Variants in ADAMTSL1 observed in about 807,000 individuals in gnomAD.
The protein encoded by ADAMTSL1 is ADAMTS-like protein 1.
ADAMTSL1 carries 126 observed loss-of-function variants against 201.8 expected under a neutral mutation model. That is an observed-to-expected ratio of 0.62 (90% CI 0.54 to 0.72). The LOEUF (loss-of-function observed/expected upper bound fraction) is 0.72, where lower values mean the gene tolerates loss of function less well. Ranked by LOEUF, ADAMTSL1 falls within the 30% of genes least tolerant of loss-of-function variation. The pLI is 0.00. For missense variants in ADAMTSL1, 2,679 were observed against 2,277.8 expected (o/e 1.18, Z -3.59); for synonymous variants, 1,121 against 903.4 (o/e 1.24, Z -4.32).
chr9:18,635,358 A>T (rs1464583242), intron 5 of ADAMTSL1, among the ~76,000 whole-genome samples: 1 of 152,182 alleles, frequency 6.6e-6, no homozygotes, highest in Non-Finnish European at 1.5e-5. Flanking sequence ...CTAAAAAAAA[A>T]TTTTAAAATA....
chr9:18,584,960 C>G (rs950699913), intron 4 of ADAMTSL1, among the ~76,000 whole-genome samples: 2 of 152,178 alleles, frequency 1.3e-5, no homozygotes, highest in Admixed American at 6.6e-5. Flanking sequence ...TATAACAGCA[C>G]AAATATACTT....
chr9:18,466,629 T>C (rs1821016038), intron 2 of ADAMTSL1, among the ~76,000 whole-genome samples: 1 of 152,184 alleles, frequency 6.6e-6, no homozygotes, highest in Admixed American at 6.5e-5. Flanking sequence ...TATTTGTCAA[T>C]TATTTAAAAT....
At chr9:18,130,398 G>C (rs1825902435) in intron 1 of ADAMTSL1, among the ~76,000 whole-genome samples, 1 of 152,172 alleles carries the variant, frequency 6.6e-6, no homozygotes, top group Non-Finnish European at 1.5e-5. Flanking sequence ...TCATTTCCCA[G>C]TTTTTATTTC....
chr9:18,605,670 G>A (rs1043974630), intron 4 of ADAMTSL1, among the ~76,000 whole-genome samples: 4 of 152,040 alleles, frequency 2.6e-5, no homozygotes, highest in Admixed American at 1.3e-4. Context: ...GCATCACCCC[G>A]GTACTATAAT....
chr9:18,458,925 C>T (rs1251506604), intron 2 of ADAMTSL1, among the ~76,000 whole-genome samples: 2 of 152,110 alleles, frequency 1.3e-5, no homozygotes, highest in African/African-American at 4.8e-5. Flanking sequence ...GTTCCCTTAT[C>T]AACAGTATTT....
chr9:18,269,395 T>A (rs1439908740), intron 2 of ADAMTSL1, among the ~76,000 whole-genome samples: 1 of 152,136 alleles, frequency 6.6e-6, no homozygotes, highest in Non-Finnish European at 1.5e-5. Context: ...TCTTGAGACC[T>A]TCTCTCTAGG....
intron 4 of ADAMTSL1, among the ~76,000 whole-genome samples, chr9:18,620,999 AAAG>A (rs1365779716): frequency 6.6e-6 from 1 of 152,228 alleles, no homozygotes; most frequent in Non-Finnish European, 1.5e-5. Context: ...GAGGAATAAA[AAAG>A]AAAATCAAGC....
rs1322601790 is a variant in ADAMTSL1 at position 18,639,317 on chromosome 9, T to A, written c.740T>A (p.Phe247Tyr). 1 of 1,612,942 alleles carries A rather than the reference T, an allele frequency of 6.2e-7. No individual in the cohort carries two copies. The highest frequency in any genetic ancestry group is 8.5e-7 in the Non-Finnish European group (1 of 1,179,354). Residue 247 changes from phenylalanine to tyrosine, a missense_variant, in exon 7 of 29, where the codon TTC (phenylalanine) becomes TAC (tyrosine). Transcript: ENST00000380548. ...AACAGTCTCAGCTCCACAGGAACTT[T>A]CCTTGTGGACAATTCTAGTGTGGAC... is the stretch of plus-strand genomic sequence containing the variant. The part of the protein sequence containing the change: ...GENSLSSTGT[F>Y]LVDNSSVDFQ...
At chr9:18,667,399 A>G (rs978990706) in intron 9 of ADAMTSL1, among the ~76,000 whole-genome samples, 7 of 152,076 alleles carry the variant, frequency 4.6e-5, no homozygotes, top group Non-Finnish European at 7.4e-5. Context: ...TTGGTGACCA[A>G]CTAGTCAATG....
chr9:18,047,218 C>CTTTCAT (rs1821699622), intron 1 of ADAMTSL1, among the ~76,000 whole-genome samples: 1 of 152,030 alleles, frequency 6.6e-6, no homozygotes, highest in Admixed American at 6.6e-5. Flanking sequence ...AAATTAGTAA[C>CTTTCAT]TAGATAATGA....
intron 1 of ADAMTSL1, among the ~76,000 whole-genome samples, chr9:18,070,477 A>C (rs768703): frequency 0.55 from 83,342 of 151,930 alleles, 23,087 homozygotes; most frequent in African/African-American, 0.61. Context: ...TGAGAGAGAG[A>C]GGTAGGGAAT....
At chr9:18,000,972 G>A (rs1165952629) in intron 1 of ADAMTSL1, among the ~76,000 whole-genome samples, 1 of 152,030 alleles carries the variant, frequency 6.6e-6, no homozygotes, top group South Asian at 2.1e-4. Context: ...GAGATGAGAA[G>A]TAGGGGGAAC....
chr9:17,975,079 T>C (rs959008585), intron 1 of ADAMTSL1, among the ~76,000 whole-genome samples: 6 of 152,098 alleles, frequency 3.9e-5, no homozygotes, highest in African/African-American at 1.4e-4. Context: ...AAGTGGTATT[T>C]TATTATGTCT....
At chr9:18,398,504 A>G (rs1342005286) in intron 2 of ADAMTSL1, among the ~76,000 whole-genome samples, 1 of 152,206 alleles carries the variant, frequency 6.6e-6, no homozygotes, top group Non-Finnish European at 1.5e-5. Flanking sequence ...TTAAAAAGTC[A>G]CAATACCCAT....
At chr9:18,279,684 A>C (rs1222210140) in intron 2 of ADAMTSL1, among the ~76,000 whole-genome samples, 1 of 151,740 alleles carries the variant, frequency 6.6e-6, no homozygotes, top group African/African-American at 2.4e-5. Context: ...ACCCTTGAAC[A>C]ACATGTTTGA....
chr9:18,067,707 G>A (rs1037096196), intron 1 of ADAMTSL1, among the ~76,000 whole-genome samples: 14 of 152,144 alleles, frequency 9.2e-5, no homozygotes, highest in Admixed American at 3.9e-4. Context: ...AACAGCAGCC[G>A]GGCCTAGGAA....
rs1442143465 is a variant in ADAMTSL1, at chr9:18,412,009, G to A, written c.208-92820G>A. The stretch of plus-strand genomic sequence containing the variant: ...TTAGGTCTCTTAAAGCTTCTTTATA[G>A]CAGTCTCTATACCATTCATTCGCTT... On this transcript the variant is annotated intron_variant, in intron 2 of 29. Transcript: ENST00000680146. Among the ~76,000 whole-genome samples, 5 of 152,166 alleles carry A rather than the reference G, an allele frequency of 3.3e-5. No individual in the cohort carries two copies. The East Asian group carries it at 9.6e-4, about 29-fold the overall frequency.
chr9:18,511,350 C>T (rs1818012563), intron 2 of ADAMTSL1, among the ~76,000 whole-genome samples: 1 of 151,618 alleles, frequency 6.6e-6, no homozygotes, highest in Non-Finnish European at 1.5e-5. Context: ...ATGGGCTTGG[C>T]TGTTTCATAT....
chr9:18,619,760 T>C (rs1587720955), intron 4 of ADAMTSL1, among the ~76,000 whole-genome samples: 1 of 152,262 alleles, frequency 6.6e-6, no homozygotes, highest in East Asian at 1.9e-4. Context: ...TTAAATCCTT[T>C]GAGAAACCTG....
Sources: allele counts gnomAD v4.1 joint callset (sites outside exome capture counted in the v4.1 genomes callset), GRCh38; gene constraint gnomAD v4.1.1; transcripts MANE v1.5; gene names NCBI Gene and HGNC (gene_info 2026-07-23, HGNC 2026-07-21).